Variants in PRKD3 observed in about 807,000 individuals in gnomAD.
PRKD3 encodes serine/threonine-protein kinase D3.
A neutral mutation model predicts 99.2 loss-of-function variants in PRKD3; 47 were observed. That is an observed-to-expected ratio of 0.47 (90% CI 0.38 to 0.60). The LOEUF (loss-of-function observed/expected upper bound fraction) is 0.60. Among genes scored for constraint, PRKD3 ranks in the 20% least tolerant of loss-of-function variants. PRKD3 has a pLI of 0.00. For missense variants in PRKD3, 1,019 were observed against 1,088.4 expected, an observed-to-expected ratio of 0.94 and a Z score of 0.90; for synonymous variants, 392 against 355.4, an observed-to-expected ratio of 1.10 and a Z score of -1.16.
chr2:37,290,832 T>C, intron 4 of PRKD3, 36 bp downstream of exon 4: 1 of 1,540,560 alleles, frequency 6.5e-7, no homozygotes, highest in Non-Finnish European at 8.8e-7. Flanking sequence ...TGTGGAATCT[T>C]ATTTCAAATG....
chr2:37,305,404 A>G (rs1186421503), intron 2 of PRKD3, among the ~76,000 whole-genome samples: 1 of 152,260 alleles, frequency 6.6e-6, no homozygotes. Context: ...ATAACTTAAA[A>G]TGAATTGCTG....
chr2:37,288,554 G>C (rs958199602), intron 5 of PRKD3, among the ~76,000 whole-genome samples: 2 of 152,188 alleles, frequency 1.3e-5, no homozygotes, highest in African/African-American at 4.8e-5. Flanking sequence ...ACAGATGGAA[G>C]TCATTTCAAA....
intron 10 of PRKD3, among the ~76,000 whole-genome samples, chr2:37,275,475 C>T (rs1669523081): frequency 6.6e-6 from 1 of 152,116 alleles, no homozygotes; most frequent in Non-Finnish European, 1.5e-5. Flanking sequence ...ATGGGACTTT[C>T]TAAGCAGTCT....
intron 1 of PRKD3, chr2:37,324,083 T>C (rs1672000918): frequency 1.4e-6 from 1 of 715,586 alleles, no homozygotes. Flanking sequence ...GTGTTTCAGC[T>C]TAAGGAAAAC....
Position 37,316,960 on chromosome 2 carries a change from G to C in PRKD3, c.-436C>G. ...CGTTTAAAAAACAGTAAGTGTTTTGGATTAATCTATTCAGTACTTTTCCTT... is the reference window on the plus strand; with the variant it reads ...CGTTTAAAAAACAGTAAGTGTTTTGCATTAATCTATTCAGTACTTTTCCTT... On this transcript the variant is annotated 5_prime_UTR_variant, in exon 2 of 19. In the 5' UTR this introduces an upstream ATG that the reference lacks. Transcript: ENST00000234179. 1 of 997,476 alleles carries C rather than the reference G, an allele frequency of 1.0e-6. No individual in the cohort carries two copies. The highest frequency in any genetic ancestry group is 1.2e-6 in the Non-Finnish European group (1 of 837,594). The allele number at this position is 997,476 out of a possible 1,614,324, so 61.8% of individuals were successfully genotyped here.
chr2:37,286,414 C>T, intron 5 of PRKD3, 45 bp from the exon 6 acceptor site: 2 of 1,522,826 alleles, frequency 1.3e-6, no homozygotes, highest in South Asian at 1.2e-5. Context: ...ATATTAAAAA[C>T]AGAGTAGTGG....
chr2:37,316,885 G>A lies in PRKD3; in HGVS notation c.-361C>T. The stretch of plus-strand genomic sequence containing the variant: ...TCTGTACTTGTCTCTTTAATTTCAG[G>A]AAATACATATTGAATAAAAGTTGTT... On this transcript the variant is annotated 5_prime_UTR_variant, in exon 2 of 19. Coordinates refer to ENST00000234179, the MANE Select transcript of PRKD3 (RefSeq NM_005813.6). 9.8e-7 allele frequency: 1 copy of A among 1,020,730 alleles called. No individual in the cohort carries two copies. The highest frequency in any genetic ancestry group is 1.7e-5 in the African/African-American group (1 of 58,176). The allele number at this position is 1,020,730 out of a possible 1,614,324, so 63.2% of individuals were successfully genotyped here.
intron 2 of PRKD3, among the ~76,000 whole-genome samples, chr2:37,296,263 A>T (rs1670669470): frequency 6.6e-6 from 1 of 152,210 alleles, no homozygotes; most frequent in Admixed American, 6.5e-5. Context: ...TTAATGTATG[A>T]CTTGGAAAAA....
Position 37,274,714 on chromosome 2 carries a change from A to T in PRKD3, c.1375-17T>A. 6.2e-7 allele frequency: 1 copy of T among 1,602,766 alleles called. No individual in the cohort carries two copies. The highest frequency in any genetic ancestry group is 8.5e-7 in the Non-Finnish European group (1 of 1,171,684). ...TGGAATTTCCTGAAGTAAAAAATTA[A>T]GCATTGAAAAATAAGAATAGATCTT... On this transcript the variant is annotated splice_polypyrimidine_tract_variant and intron_variant, in intron 10 of 18. Transcript: ENST00000234179.
Position 37,253,230 on chromosome 2 carries a change from G to A in PRKD3, c.2620C>T (p.Pro874Ser). The change falls in exon 19 of 19, where the codon CCA becomes TCA. Residue 874 changes from proline to serine, a missense_variant. Coordinates refer to ENST00000234179, the MANE Select transcript of PRKD3 (RefSeq NM_005813.6). ...TTAGGAGCCATAATGAAGTGCTTTGGGTATACAAGGTTATGTGTGTATGCA... is the reference window on the plus strand; with the variant it reads ...TTAGGAGCCATAATGAAGTGCTTTGAGTATACAAGGTTATGTGTGTATGCA... ...IHAYTHNLVY[P>S]KHFIMAPNPD... 1 of 1,612,208 alleles carries A rather than the reference G, an allele frequency of 6.2e-7. No homozygotes were observed. The highest frequency in any genetic ancestry group is 2.2e-5 in the East Asian group (1 of 44,790).
At chr2:37,304,903 T>C (rs1301603819) in intron 2 of PRKD3, among the ~76,000 whole-genome samples, 1 of 152,158 alleles carries the variant, frequency 6.6e-6, no homozygotes, top group South Asian at 2.1e-4. Flanking sequence ...CTTTCCGAAT[T>C]AAAGATCTAG....
At chr2:37,256,275 A>G (rs1258188193) in intron 17 of PRKD3, among the ~76,000 whole-genome samples, 1 of 152,194 alleles carries the variant, frequency 6.6e-6, no homozygotes, top group African/African-American at 2.4e-5. Context: ...ACAGATAACT[A>G]TGCCTGTAAG....
At chr2:37,303,510 A>G (rs1041363304) in intron 2 of PRKD3, among the ~76,000 whole-genome samples, 1 of 151,878 alleles carries the variant, frequency 6.6e-6, no homozygotes, top group South Asian at 2.1e-4. Flanking sequence ...CCACAACCTA[A>G]GTGCCGCTGT....
intron 17 of PRKD3, among the ~76,000 whole-genome samples, chr2:37,254,708 T>C (rs974465312): frequency 5.3e-5 from 8 of 152,180 alleles, no homozygotes; most frequent in African/African-American, 1.9e-4. Context: ...TATTTGAAGA[T>C]GAATGAAACA....
At chr2:37,301,268 A>C (rs1365909605) in intron 2 of PRKD3, among the ~76,000 whole-genome samples, 2 of 152,322 alleles carry the variant, frequency 1.3e-5, no homozygotes, top group East Asian at 3.9e-4. Context: ...AATTTCTCAA[A>C]ATGATTTGAC....
rs375583525 is a variant in PRKD3 at position 37,268,096 on chromosome 2, C to G, written c.1778-560G>C. 31 of 294,142 alleles carry G rather than the reference C, an allele frequency of 1.1e-4. 1 individual carries two copies. Among genetic ancestry groups the G allele is most frequent in the Admixed American group, 8.2e-4 (17 of 20,824 alleles). The allele number at this position is 294,142 out of a possible 1,614,324, so 18.2% of individuals were successfully genotyped here. On this transcript the variant is annotated intron_variant, in intron 13 of 18. Transcript: ENST00000234179. ...ATTAACTAGTTATACCTATTATGTA[C>G]TAGGTATGCCTTTAGATGCTACAGA...
At position 37,274,586 on chromosome 2, in the gene PRKD3, A is replaced by G; in HGVS notation, c.1486T>C (p.Phe496Leu). 2 of 1,614,128 alleles carry G rather than the reference A, an allele frequency of 1.2e-6. No individual in the cohort carries two copies. The highest frequency in any genetic ancestry group is 2.2e-5 in the South Asian group (2 of 91,084). The change falls in exon 11 of 19, where the codon TTC (phenylalanine) becomes CTC (leucine). Residue 496 changes from phenylalanine (F) to leucine (L), a missense_variant. Coordinates refer to ENST00000234179, the MANE Select transcript of PRKD3 (RefSeq NM_005813.6). ...FEIITDTMVY[F>L]VGENNGDSSH... is the part of the protein sequence containing the mutation. Reference sequence around the variant, plus strand: ...CTGTCCCCATTGTTCTCACCAACGAAGTATACCATAGTATCAGTAATGATT... The same window carrying G: ...CTGTCCCCATTGTTCTCACCAACGAGGTATACCATAGTATCAGTAATGATT...
At chr2:37,320,238 C>T (rs1671822734) in intron 1 of PRKD3, among the ~76,000 whole-genome samples, 1 of 152,054 alleles carries the variant, frequency 6.6e-6, no homozygotes, top group African/African-American at 2.4e-5. Flanking sequence ...AAACTAGTTT[C>T]CCTGACTCCA....
chr2:37,299,511 TACACACACACACAC>T (rs70949749), intron 2 of PRKD3, among the ~76,000 whole-genome samples: 2,642 of 132,576 alleles, frequency 0.02, 56 homozygotes, highest in African/African-American at 0.047. Context: ...TCTACTAAAA[TACACACACACACAC>T]ACACACACAC....
Sources: gnomAD v4.1 joint callset for allele counts (sites outside exome capture counted in the v4.1 genomes callset) on GRCh38, gnomAD v4.1.1 for gene constraint, MANE v1.5 for transcripts, NCBI Gene and HGNC (gene_info 2026-07-23, HGNC 2026-07-21) for gene names.